The following ATP7A variants were observed in gnomAD, a reference collection of about 807,000 sequenced individuals.
The protein encoded by ATP7A is ATPase copper transporting alpha.
Under a neutral mutation model 83.5 loss-of-function variants are expected in ATP7A, and 7 were observed. That is an observed-to-expected ratio of 0.08 (90% CI 0.05 to 0.16). ATP7A has a LOEUF of 0.16. Ranked by LOEUF, ATP7A falls within the 10% of genes least tolerant of loss-of-function variation. ATP7A has a pLI of 1.00. For synonymous variants in ATP7A, 354 were observed against 395.2 expected (o/e 0.90, Z 1.24); for missense variants, 940 against 1,120.8 (o/e 0.84, Z 2.30).
intron 2 of ATP7A, among the ~76,000 whole-genome samples, chrX:77,986,512 A>G (rs180788234): frequency 1.6e-3 from 172 of 110,734 alleles, no homozygotes; most frequent in African/African-American, 5.5e-3. Context: ...TGAATTTATC[A>G]TCTCTCCTTT....
chrX:78,034,189 T>G (rs956299758), intron 17 of ATP7A, among the ~76,000 whole-genome samples: 1 of 111,943 alleles, frequency 8.9e-6, no homozygotes, highest in Admixed American at 9.5e-5. Flanking sequence ...TCTTACATAT[T>G]TTTGCCCAGA....
chrX:78,038,013 G>C (rs2078025148), intron 17 of ATP7A, among the ~76,000 whole-genome samples: 1 of 52,671 alleles, frequency 1.9e-5, no homozygotes, highest in South Asian at 1.4e-3. Context: ...TTTTAAGATA[G>C]GACAATGTAC....
chrX:77,934,418 G>A (rs782647453), intron 1 of ATP7A, among the ~76,000 whole-genome samples: 1 of 110,575 alleles, frequency 9.0e-6, no homozygotes, highest in South Asian at 3.8e-4. Flanking sequence ...ACCCTGTATC[G>A]AAAAAAAACC....
intron 1 of ATP7A, among the ~76,000 whole-genome samples, chrX:77,934,022 G>T (rs145508951): frequency 8.9e-6 from 1 of 112,171 alleles, no homozygotes; most frequent in East Asian, 2.8e-4. Context: ...TTGATTAAAA[G>T]ATTACTATAT....
chrX:77,954,987 T>C (rs2077433126), intron 1 of ATP7A, among the ~76,000 whole-genome samples: 1 of 111,010 alleles, frequency 9.0e-6, no homozygotes, highest in African/African-American at 3.3e-5. Context: ...TGAGATGAAA[T>C]AATTTAGGCC....
intron 1 of ATP7A, among the ~76,000 whole-genome samples, chrX:77,954,418 A>C (rs1412676339): frequency 8.9e-6 from 1 of 112,196 alleles, no homozygotes; most frequent in Admixed American, 9.5e-5. Flanking sequence ...CTAGGATTAC[A>C]GGCGTGAGCA....
chrX:78,009,923 A>AAAAC (rs1222043993), intron 7 of ATP7A, among the ~76,000 whole-genome samples: 28 of 112,900 alleles, frequency 2.5e-4, no homozygotes, highest in Middle Eastern at 9.2e-3. Context: ...CCTTGTCTCT[A>AAAAC]AAACAAACAA....
At chrX:77,994,508 T>A (rs2077689289) in intron 4 of ATP7A, among the ~76,000 whole-genome samples, 1 of 111,091 alleles carries the variant, frequency 9.0e-6, no homozygotes, top group African/African-American at 3.3e-5. Context: ...AGCATCTACC[T>A]AGTCCTTAGG....
At chrX:77,994,405 T>C (rs1184276670) in intron 4 of ATP7A, among the ~76,000 whole-genome samples, 4 of 111,749 alleles carry the variant, frequency 3.6e-5, no homozygotes, top group Non-Finnish European at 5.6e-5. Context: ...ATAACAAATG[T>C]GAGCAGAGTA....
At chrX:77,951,808 T>C (rs2077415211) in intron 1 of ATP7A, among the ~76,000 whole-genome samples, 1 of 112,007 alleles carries the variant, frequency 8.9e-6, no homozygotes, top group South Asian at 3.7e-4. Context: ...CTCAAACTCC[T>C]GACCTCAGGT....
intron 2 of ATP7A, among the ~76,000 whole-genome samples, chrX:77,975,244 C>T (rs1322251456): frequency 9.9e-5 from 11 of 110,614 alleles, no homozygotes; most frequent in Non-Finnish European, 3.8e-5. Context: ...TGCCACCACC[C>T]CTGCCCGCCC....
chrX:77,931,942 G>A (rs1192166506), intron 1 of ATP7A, among the ~76,000 whole-genome samples: 1 of 101,685 alleles, frequency 9.8e-6, no homozygotes, highest in East Asian at 3.3e-4. Context: ...CTGGCTGGGC[G>A]GGGGGCTGAC....
At chrX:77,956,726 CCTTTCTTTCTTTCTTTCTTTCTTTCTT>C (rs2077443254) in intron 1 of ATP7A, among the ~76,000 whole-genome samples, 1 of 73,772 alleles carries the variant, frequency 1.4e-5, no homozygotes, top group Admixed American at 1.7e-4. Context: ...TACCCAGTCT[CCTTTCTTTCTTTCTTTCTTTCTTTCTT>C]TCTTTCTTTC....
At position 78,049,979 on chromosome X, in the gene ATP7A, T is replaced by A. The variant is rs1181530202; in HGVS notation, c.*3409T>A. The stretch of plus-strand genomic sequence containing the variant: ...TTGGGTTTTTGTTTGTTTTGTTTCT[T>A]TTCTACATTTTTAAGTATTATTTTA... On this transcript the variant is annotated 3_prime_UTR_variant, in exon 23 of 23. Transcript: ENST00000341514. 1 of 112,392 alleles carries A rather than the reference T, an allele frequency of 8.9e-6. No homozygotes were observed. Among genetic ancestry groups the A allele is most frequent in the Non-Finnish European group, 1.9e-5 (1 of 53,206 alleles). 9.3% of individuals were successfully genotyped at this position (112,392 alleles called of 1,213,427 possible). A position where few individuals can be genotyped will look rare whatever the true frequency, so the allele number is the denominator to read the frequency against.
intron 17 of ATP7A, among the ~76,000 whole-genome samples, chrX:78,035,195 C>T (rs1419716852): frequency 8.9e-6 from 1 of 111,843 alleles, no homozygotes; most frequent in African/African-American, 3.3e-5. Flanking sequence ...CTACCACCCA[C>T]AGACTTCCAC....
At chrX:78,041,905 G>A (rs1237326802) in intron 19 of ATP7A, among the ~76,000 whole-genome samples, 1 of 109,685 alleles carries the variant, frequency 9.1e-6, no homozygotes, top group Non-Finnish European at 1.9e-5. Context: ...ATCACATGAG[G>A]TCGGGAGTTT....
chrX:77,944,126 A>T (rs1199073707), intron 1 of ATP7A, among the ~76,000 whole-genome samples: 2 of 112,410 alleles, frequency 1.8e-5, no homozygotes, highest in African/African-American at 6.5e-5. Context: ...ATTATAAGAA[A>T]AAAACACGAT....
At chrX:77,910,871 C>G (rs1243176524) in intron 1 of ATP7A, 36 bp downstream of exon 1, 6 of 112,275 alleles carry the variant, frequency 5.3e-5, no homozygotes, top group African/African-American at 1.9e-4. Flanking sequence ...GTCCTTTCTC[C>G]TGGAGGGGGT....
At position 78,014,043 on chromosome X, in the gene ATP7A, G is replaced by A. The variant is rs782629306; in HGVS notation, c.2407-619G>A. 7.2e-5 allele frequency among the ~76,000 whole-genome samples: 8 copies of A among 110,451 alleles called. No individual in the cohort carries two copies. In the East Asian group the frequency reaches 2.2e-3, roughly 31 times the overall value. On this transcript the variant is annotated intron_variant, in intron 10 of 22. Coordinates refer to ENST00000341514, the MANE Select transcript of ATP7A (RefSeq NM_000052.7). ...ATGTCCTTTGCCTGTGTGTTTATTGGGTTCATGTTTTTCTTATTAATTTAT... is the reference window on the plus strand; with the variant it reads ...ATGTCCTTTGCCTGTGTGTTTATTGAGTTCATGTTTTTCTTATTAATTTAT...
Sources: gnomAD v4.1 joint callset for allele counts (sites outside exome capture counted in the v4.1 genomes callset) on GRCh38, gnomAD v4.1.1 for gene constraint, MANE v1.5 for transcripts, NCBI Gene and HGNC (gene_info 2026-07-23, HGNC 2026-07-21) for gene names.